HIVEP1: variants seen among roughly 807,000 people sequenced by gnomAD.
The protein encoded by HIVEP1 is zinc finger protein 40.
HIVEP1 carries 36 observed loss-of-function variants against 180.0 expected under a neutral mutation model. That is an observed-to-expected ratio of 0.20 (90% confidence interval 0.15 to 0.26). The LOEUF (loss-of-function observed/expected upper bound fraction) is 0.26. Ranked by LOEUF, HIVEP1 falls within the 10% of genes least tolerant of loss-of-function variation. The pLI, the probability that HIVEP1 is intolerant of heterozygous loss-of-function variation, is 1.00. For missense variants in HIVEP1, 3,143 were observed against 3,268.7 expected (o/e 0.96, Z 0.94); for synonymous variants, 1,239 against 1,239.0 (o/e 1.00, Z 0.00).
Position 12,123,529 on chromosome 6 carries a change from G to A in HIVEP1, c.3734G>A (p.Arg1245Gln), listed in dbSNP as rs1315040382. ...ATTTTGGTCACAGAAGAACCAGATC[G>A]AGACCTGGAAGCTCAATGCCATGAT... is the stretch of plus-strand genomic sequence containing the variant. ...PEILVTEEPDRDLEAQCHDQE... is the reference protein window; with the variant it reads ...PEILVTEEPDQDLEAQCHDQE... Residue 1245 changes from arginine (R) to glutamine (Q), a missense_variant, in exon 4 of 9, where the codon CGA becomes CAA. This residue lies in a region of HIVEP1 where 1,357 missense variants were observed against 1,260.5 expected (regional missense o/e 1.08). Transcript: ENST00000379388. 5.6e-6 allele frequency: 9 copies of A among 1,614,004 alleles called. No individual in the cohort carries two copies. Among genetic ancestry groups the A allele is most frequent in the Middle Eastern group, 1.6e-4 (1 of 6,084 alleles).
chr6:12,173,456 C>T, the HIVEP1 span, among the ~76,000 whole-genome samples: 6 of 151,984 alleles, frequency 3.9e-5, no homozygotes, highest in African/African-American at 9.7e-5. Flanking sequence ...GAAATGAAGG[C>T]GTTTATACAT....
chr6:12,172,289 A>C, the HIVEP1 span, among the ~76,000 whole-genome samples: 2 of 144,286 alleles, frequency 1.4e-5, no homozygotes, highest in East Asian at 3.8e-4. Context: ...ATTTCAGCAC[A>C]CTGAACAACT....
chr6:12,093,971 A>G (rs1204041826), intron 3 of HIVEP1, among the ~76,000 whole-genome samples: 1 of 152,068 alleles, frequency 6.6e-6, no homozygotes, highest in Non-Finnish European at 1.5e-5. Flanking sequence ...ATCTGGGGCA[A>G]ACTGACCATC....
chr6:12,193,067 C>T, the HIVEP1 span, among the ~76,000 whole-genome samples: 35 of 152,314 alleles, frequency 2.3e-4, no homozygotes, highest in Middle Eastern at 3.4e-3. Flanking sequence ...ATAAGGCTTA[C>T]TCAGCCTCCC....
chr6:12,088,439 T>C (rs1191896361), intron 2 of HIVEP1, among the ~76,000 whole-genome samples: 1 of 152,072 alleles, frequency 6.6e-6, no homozygotes, highest in Non-Finnish European at 1.5e-5. Flanking sequence ...ATGTATATCC[T>C]TATAAAGTTT....
At chr6:12,027,234 T>C (rs540469513) in intron 2 of HIVEP1, among the ~76,000 whole-genome samples, 279 of 152,348 alleles carry the variant, frequency 1.8e-3, no homozygotes, top group African/African-American at 6.5e-3. Flanking sequence ...ATGCTTTATC[T>C]TTCTGTGGAG....
chr6:12,101,295 G>GT (rs1168414421), intron 3 of HIVEP1, among the ~76,000 whole-genome samples: 1 of 152,008 alleles, frequency 6.6e-6, no homozygotes, highest in African/African-American at 2.4e-5. Flanking sequence ...AATACTCTAA[G>GT]TATATACTTG....
chr6:12,115,377 T>TTTTTTTTTTTA (rs398000485), intron 3 of HIVEP1, among the ~76,000 whole-genome samples: 1 of 125,652 alleles, frequency 8.0e-6, no homozygotes, highest in African/African-American at 2.9e-5. Flanking sequence ...TTTTTTTTTT[T>TTTTTTTTTTTA]AACAAAGTGG....
At chr6:12,022,924 C>G (rs1158189173) in intron 2 of HIVEP1, among the ~76,000 whole-genome samples, 1 of 152,212 alleles carries the variant, frequency 6.6e-6, no homozygotes, top group East Asian at 1.9e-4. Context: ...CATTTTTCCA[C>G]TTAAATTCAT....
chr6:12,052,015 G>A (rs956748293), intron 2 of HIVEP1, among the ~76,000 whole-genome samples: 3 of 152,172 alleles, frequency 2.0e-5, no homozygotes, highest in African/African-American at 7.2e-5. Flanking sequence ...ATAGCATGTC[G>A]TGGTGTGTGG....
At chr6:12,203,855 T>A in the HIVEP1 span, among the ~76,000 whole-genome samples, 2 of 152,124 alleles carry the variant, frequency 1.3e-5, no homozygotes, top group African/African-American at 4.8e-5. Context: ...GGCAAGTGGA[T>A]CACCTGAGGT....
At chr6:12,077,899 A>G (rs1263824075) in intron 2 of HIVEP1, among the ~76,000 whole-genome samples, 1 of 152,098 alleles carries the variant, frequency 6.6e-6, no homozygotes, top group Non-Finnish European at 1.5e-5. Flanking sequence ...CTTAGAGAGT[A>G]TGGATGTGTT....
downstream of HIVEP1, among the ~76,000 whole-genome samples, chr6:12,167,652 T>A (rs55681520): frequency 1.0e-4 from 2 of 19,212 alleles, no homozygotes; most frequent in African/African-American, 4.0e-4. Context: ...TATACATATA[T>A]ATGTTATATA....
chr6:12,143,220 G>A (rs1319095397), intron 7 of HIVEP1, among the ~76,000 whole-genome samples: 2 of 152,182 alleles, frequency 1.3e-5, no homozygotes, highest in Non-Finnish European at 2.9e-5. Flanking sequence ...GGGATGCAAG[G>A]CTGGTTCAAC....
intron 4 of HIVEP1, among the ~76,000 whole-genome samples, chr6:12,128,002 A>C (rs1758196675): frequency 6.6e-6 from 1 of 152,210 alleles, no homozygotes; most frequent in Non-Finnish European, 1.5e-5. Context: ...ATAAAGTAAA[A>C]GGATTTCTAG....
Position 12,164,924 on chromosome 6 carries a change from A to G in HIVEP1, c.*463A>G. On this transcript the variant is annotated 3_prime_UTR_variant, in exon 9 of 9. Transcript: ENST00000379388. Reference sequence around the variant, plus strand: ...GAAAATGGGTCTGTCCTCCTTGTGTAAGACAGTAACTTTACACTTCAGACA... The same window carrying G: ...GAAAATGGGTCTGTCCTCCTTGTGTGAGACAGTAACTTTACACTTCAGACA... 1 of 306,004 alleles carries G rather than the reference A, an allele frequency of 3.3e-6. No individual in the cohort carries two copies. The highest frequency in any genetic ancestry group is 6.4e-6 in the Non-Finnish European group (1 of 157,214). 19.0% of individuals were successfully genotyped at this position (306,004 alleles called of 1,614,324 possible).
At chr6:12,146,443 CA>C (rs1299520568) in intron 7 of HIVEP1, among the ~76,000 whole-genome samples, 2 of 151,928 alleles carry the variant, frequency 1.3e-5, no homozygotes, top group Non-Finnish European at 2.9e-5. Context: ...AACTCCATCT[CA>C]AAAAAATAAT....
chr6:12,104,159 T>C (rs1452908160), intron 3 of HIVEP1, among the ~76,000 whole-genome samples: 1 of 152,164 alleles, frequency 6.6e-6, no homozygotes, highest in Non-Finnish European at 1.5e-5. Context: ...TTTCTCTATA[T>C]TTGTCTTGCT....
upstream of HIVEP1, among the ~76,000 whole-genome samples, chr6:12,009,328 C>T (rs1767163749): frequency 6.6e-6 from 1 of 152,070 alleles, no homozygotes; most frequent in Non-Finnish European, 1.5e-5. Flanking sequence ...CCTCTCCAAA[C>T]TGTTCGCCAA....
Sources: allele counts gnomAD v4.1 joint callset (sites outside exome capture counted in the v4.1 genomes callset), GRCh38; gene constraint gnomAD v4.1.1; regional missense constraint gnomAD v4.1.1; transcripts MANE v1.5; gene names NCBI Gene and HGNC (gene_info 2026-07-23, HGNC 2026-07-21).